Variants in FKRP observed in about 807,000 individuals in gnomAD.
The protein encoded by FKRP is ribitol 5-phosphate transferase FKRP.
In FKRP, 25 loss-of-function variants were observed where a neutral mutation model predicts 30.6. That is an observed-to-expected ratio of 0.82 (90% confidence interval 0.60 to 1.14). FKRP has a LOEUF of 1.14. Among genes scored for constraint, FKRP ranks in the 50% most tolerant of loss-of-function variants. FKRP has a pLI of 0.00. For missense variants in FKRP, 771 were observed against 727.8 expected, an observed-to-expected ratio of 1.06 and a Z score of -0.68; for synonymous variants, 358 against 342.5, an observed-to-expected ratio of 1.05 and a Z score of -0.50.
At position 46,756,750 on chromosome 19, in the gene FKRP, G is replaced by A; in HGVS notation, c.1300G>A (p.Asp434Asn). 3 of 1,607,546 alleles carry A rather than the reference G, an allele frequency of 1.9e-6. No individual in the cohort carries two copies. Among genetic ancestry groups the A allele is most frequent in the Non-Finnish European group, 2.5e-6 (3 of 1,177,332 alleles). Residue 434 changes from aspartate to asparagine, a missense_variant, in exon 4 of 4, where the codon GAC becomes AAC. Asp to Asn is a conservative substitution (Grantham distance 23, BLOSUM62 1). Transcript: ENST00000318584. This position sits in a 1 kb window ranked among gnomAD's most constrained non-coding sequence, Gnocchi z 6.6. ...NGVMTKDTWLDHRQDVEFPEH... is the reference protein window; with the variant it reads ...NGVMTKDTWLNHRQDVEFPEH... ...CGTCATGACCAAGGACACGTGGCTG[G>A]ACCACCGGCAGGATGTGGAGTTTCC... is the stretch of plus-strand genomic sequence containing the variant.
At chr19:46,744,908 G>GTT, upstream of FKRP, among the ~76,000 whole-genome samples, 1 of 152,026 alleles carries the variant, frequency 6.6e-6, no homozygotes, top group South Asian at 2.1e-4. Flanking sequence ...TGGACCTGAC[G>GTT]CTCCACGAGG....
upstream of FKRP, chr19:46,745,852 T>C: frequency 3.4e-6 from 1 of 292,636 alleles, no homozygotes; most frequent in Non-Finnish European, 6.3e-6. Context: ...CCAGTCCCAC[T>C]CCCAGCTGGT....
At chr19:46,752,510 T>C (rs1003394153) in intron 3 of FKRP, among the ~76,000 whole-genome samples, 1 of 151,990 alleles carries the variant, frequency 6.6e-6, no homozygotes, top group Non-Finnish European at 1.5e-5. Context: ...AACAAATAGA[T>C]GTTGAAGGAT....
At chr19:46,753,027 A>G (rs377349378) in intron 3 of FKRP, among the ~76,000 whole-genome samples, 1 of 151,586 alleles carries the variant, frequency 6.6e-6, no homozygotes, top group Non-Finnish European at 1.5e-5. Context: ...TTAGCCGGGC[A>G]TGGTGGCACG....
At chr19:46,749,566 A>G (rs966803804) in intron 3 of FKRP, among the ~76,000 whole-genome samples, 2 of 151,586 alleles carry the variant, frequency 1.3e-5, no homozygotes, top group Admixed American at 1.3e-4. Context: ...CTCTACTAAA[A>G]ATACAAAAAT....
rs1226341140 is a variant in FKRP at position 46,751,555 on chromosome 19, ATT to A, written c.-40+2910_-40+2911del. Among the ~76,000 whole-genome samples, 220 of 87,896 alleles carry A rather than the reference ATT, an allele frequency of 2.5e-3. 1 individual carries two copies. Among genetic ancestry groups the A allele is most frequent in the African/African-American group, 8.0e-3 (184 of 23,096 alleles). The allele number at this position is 87,896 out of a possible 152,430, so 57.7% of individuals were successfully genotyped here. On this transcript the variant is annotated intron_variant, in intron 3 of 3. Transcript: ENST00000318584. ...CACCATGCCCAGCTAACTTTTTTGT[ATT>A]TTTTTTTTTTTTTTTTTTTGAGACG...
chr19:46,757,261 C>A lies in FKRP; in HGVS notation c.*323C>A. 1 of 473,758 alleles carries A rather than the reference C, an allele frequency of 2.1e-6. No homozygotes were observed. The highest frequency in any genetic ancestry group is 4.0e-6 in the Non-Finnish European group (1 of 248,706). 29.3% of individuals were successfully genotyped at this position (473,758 alleles called of 1,614,324 possible). ...CGCAGGGCCCAGCACAGCCCCAGAC[C>A]CGAAAAAAGTGTTCTGCCCAAGATT... On this transcript the variant is annotated 3_prime_UTR_variant, in exon 4 of 4. Transcript: ENST00000318584.
At position 46,755,507 on chromosome 19, in the gene FKRP, G is replaced by A. The variant is rs2122607618; in HGVS notation, c.57G>A (p.Leu19=). 1 of 1,611,144 alleles carries A rather than the reference G, an allele frequency of 6.2e-7. No individual in the cohort carries two copies. The highest frequency in any genetic ancestry group is 8.5e-7 in the Non-Finnish European group (1 of 1,179,230). ...ALAAAITLNL[L]VLFYVSWLQH... ...CGGCCGCCATCACCCTCAACCTTCTGGTCCTCTTCTATGTCTCGTGGCTGC... is the reference window on the plus strand; with the variant it reads ...CGGCCGCCATCACCCTCAACCTTCTAGTCCTCTTCTATGTCTCGTGGCTGC... The change falls in exon 4 of 4, where the codon CTG becomes CTA. Residue 19 remains leucine, a synonymous_variant. Coordinates refer to ENST00000318584, the MANE Select transcript of FKRP (RefSeq NM_024301.5).
At chr19:46,746,319 C>T in intron 1 of FKRP, 2 of 1,340,792 alleles carry the variant, frequency 1.5e-6, no homozygotes, top group Non-Finnish European at 1.9e-6. Context: ...GGCCCGGGGG[C>T]AGGGGCGGAG....
intron 3 of FKRP, among the ~76,000 whole-genome samples, chr19:46,749,723 CAAAAAAA>C (rs1175374378): frequency 1.6e-5 from 1 of 62,464 alleles, no homozygotes; most frequent in African/African-American, 5.5e-5. Flanking sequence ...GACTCCGTCT[CAAAAAAA>C]AAAAAAAAAA....
Position 46,755,531 on chromosome 19 carries a change from G to T in FKRP, c.81G>T (p.Leu27=). ...TGGTCCTCTTCTATGTCTCGTGGCTGCAGCACCAGCCTAGGAATTCCCGGG... is the reference window on the plus strand; with the variant it reads ...TGGTCCTCTTCTATGTCTCGTGGCTTCAGCACCAGCCTAGGAATTCCCGGG... ...NLLVLFYVSW[L]QHQPRNSRAR... The change falls in exon 4 of 4, where the codon CTG becomes CTT. Residue 27 remains leucine (L), a synonymous_variant. Transcript: ENST00000318584. 2 of 1,609,438 alleles carry T rather than the reference G, an allele frequency of 1.2e-6. No homozygotes were observed. The highest frequency in any genetic ancestry group is 1.7e-6 in the Non-Finnish European group (2 of 1,178,318).
At chr19:46,745,446 C>G (rs1274751837), upstream of FKRP, among the ~76,000 whole-genome samples, 32 of 152,140 alleles carry the variant, frequency 2.1e-4, no homozygotes, top group Non-Finnish European at 1.5e-5. Flanking sequence ...TCCTGGACCC[C>G]TTGAAACCCT....
In FKRP at chr19:46,756,633, G is replaced by A. The variant is rs762944990; in HGVS notation, c.1183G>A (p.Glu395Lys). The change falls in exon 4 of 4, where the codon GAG becomes AAG. Residue 395 changes from glutamate (E) to lysine (K), a missense_variant. Glu to Lys is a moderately conservative substitution (Grantham distance 56). Transcript: ENST00000318584. The surrounding 1 kb of genome is among the most constrained non-coding windows in gnomAD (Gnocchi z 6.6). ...GGTGGATGAGCGCGGCTTCGTATGG[G>A]AGAAGGCGGTCGAGGGCGACTTTTT... ...SVVDERGFVW[E>K]KAVEGDFFRV... The A allele has an allele frequency of 3.1e-6, 5 of 1,613,262 alleles. No homozygotes were observed. Among genetic ancestry groups the A allele is most frequent in the Non-Finnish European group, 3.4e-6 (4 of 1,179,772 alleles).
chr19:46,748,336 C>T (rs1163837030), intron 2 of FKRP, among the ~76,000 whole-genome samples, 179 bp from the exon 3 acceptor site: 4 of 152,100 alleles, frequency 2.6e-5, no homozygotes, highest in Admixed American at 2.6e-4. Flanking sequence ...TGCCACCACG[C>T]CCGGCTAATT....
Position 46,755,472 on chromosome 19 carries a change from G to C in FKRP, c.22G>C (p.Ala8Pro). 1 of 1,608,472 alleles carries C rather than the reference G, an allele frequency of 6.2e-7. No individual in the cohort carries two copies. Among genetic ancestry groups the C allele is most frequent in the Non-Finnish European group, 8.5e-7 (1 of 1,179,320 alleles). ...CCCCATGCGGCTCACCCGCTGCCAG[G>C]CTGCCCTGGCGGCCGCCATCACCCT... is the stretch of plus-strand genomic sequence containing the variant. MRLTRCQ[A>P]ALAAAITLNL... The change falls in exon 4 of 4, where the codon GCT becomes CCT. Residue 8 changes from alanine (A) to proline (P), a missense_variant. Physicochemically the swap from Ala to Pro is conservative, Grantham distance 27. Coordinates refer to ENST00000318584, the MANE Select transcript of FKRP (RefSeq NM_024301.5).
intron 1 of FKRP, chr19:46,746,371 G>T: frequency 5.2e-6 from 6 of 1,149,420 alleles, no homozygotes; most frequent in Non-Finnish European, 6.4e-6. Flanking sequence ...CGCCTGAGCC[G>T]AGCGGACGGC....
At chr19:46,751,050 A>G (rs1184516937) in intron 3 of FKRP, among the ~76,000 whole-genome samples, 1 of 150,256 alleles carries the variant, frequency 6.7e-6, no homozygotes, top group Admixed American at 6.6e-5. Context: ...TAGGAAGTAC[A>G]TGGGAGATGC....
In FKRP at chr19:46,756,782, C is replaced by T. The variant is rs2122635487; in HGVS notation, c.1332C>T (p.His444=). 6.2e-7 allele frequency: 1 copy of T among 1,602,322 alleles called. No individual in the cohort carries two copies. The highest frequency in any genetic ancestry group is 8.5e-7 in the Non-Finnish European group (1 of 1,175,066). ...DHRQDVEFPE[H]FLQPLVPLPF... ...GGCAGGATGTGGAGTTTCCCGAGCA[C>T]TTCCTGCAGCCGCTGGTGCCCCTGC... Residue 444 remains histidine (H), a synonymous_variant, in exon 4 of 4, where the codon CAC becomes CAT. Transcript: ENST00000318584. The surrounding 1 kb of genome is among the most constrained non-coding windows in gnomAD (Gnocchi z 6.6).
intron 1 of FKRP, chr19:46,746,680 C>G (rs1357960130): frequency 6.5e-6 from 1 of 152,874 alleles, no homozygotes; most frequent in African/African-American, 2.4e-5. Flanking sequence ...CCCCGCGCGA[C>G]GGTCCCCCTC....
Sources: allele counts gnomAD v4.1 joint callset (sites outside exome capture counted in the v4.1 genomes callset), GRCh38; gene constraint gnomAD v4.1.1; non-coding constraint Gnocchi (gnomAD v3.1); transcripts MANE v1.5; gene names NCBI Gene and HGNC (gene_info 2026-07-23, HGNC 2026-07-21).